Variants in RBBP6 observed in about 807,000 individuals in gnomAD.
RBBP6 encodes the protein E3 ubiquitin-protein ligase RBBP6.
A neutral mutation model predicts 167.7 loss-of-function variants in RBBP6; 25 were observed. That is an observed-to-expected ratio of 0.15 (90% confidence interval 0.11 to 0.21). The LOEUF (loss-of-function observed/expected upper bound fraction) is 0.21. Among genes scored for constraint, RBBP6 ranks in the 10% least tolerant of loss-of-function variants. The pLI is 1.00. For synonymous variants in RBBP6, 789 were observed against 735.8 expected (o/e 1.07, Z -1.17); for missense variants, 1,868 against 2,134.2 (o/e 0.88, Z 2.46).
At chr16:24,558,968 CT>C (rs1879050510) in intron 7 of RBBP6, among the ~76,000 whole-genome samples, 2 of 152,292 alleles carry the variant, frequency 1.3e-5, no homozygotes, top group Non-Finnish European at 2.9e-5. Flanking sequence ...CTTGAACTAT[CT>C]TTCCTTAATT....
Position 24,561,984 on chromosome 16 carries a change from T to G in RBBP6, c.1112T>G (p.Ile371Ser). 6.2e-7 allele frequency: 1 copy of G among 1,613,844 alleles called. No homozygotes were observed. Among genetic ancestry groups the G allele is most frequent in the Non-Finnish European group, 8.5e-7 (1 of 1,179,808 alleles). ...PISRQQDPLM[I>S]PVTSSSTHPA... ...TCAAGACAACAAGATCCTCTTATGA[T>G]TCCAGTGACATCTTCATCAACTCAC... is the stretch of plus-strand genomic sequence containing the variant. Residue 371 changes from isoleucine to serine, a missense_variant, in exon 10 of 18, where the codon ATT becomes AGT. Around this residue, in one of 7 missense-constraint regions of RBBP6, gnomAD observed 245 missense variants for 240.1 expected, o/e 1.02. Coordinates refer to ENST00000319715, the MANE Select transcript of RBBP6 (RefSeq NM_006910.5).
intron 15 of RBBP6, 26 bp downstream of exon 15, chr16:24,567,531 A>T (rs747066953): frequency 6.4e-7 from 1 of 1,562,780 alleles, no homozygotes; most frequent in Non-Finnish European, 8.7e-7. Context: ...TGAAATTATT[A>T]TACACTTTTT....
intron 1 of RBBP6, among the ~76,000 whole-genome samples, chr16:24,542,438 C>T (rs1898524186): frequency 6.6e-6 from 1 of 151,184 alleles, no homozygotes; most frequent in East Asian, 1.9e-4. Flanking sequence ...ATCTTTTCGA[C>T]CCAACAATTG....
chr16:24,570,743 G>T, intron 17 of RBBP6, 133 bp from the exon 18 acceptor site: 1 of 863,310 alleles, frequency 1.2e-6, no homozygotes, highest in South Asian at 3.3e-5. Context: ...CTTCCTTAGG[G>T]CAGAATAAGT....
Position 24,569,128 on chromosome 16 carries a change from G to T in RBBP6, c.2438G>T (p.Gly813Val). ...CCATATGACATGAAAGCATATTATG[G>T]GAGAAGTGTTGACTTTAGAGACCCA... ...PPPYDMKAYYGRSVDFRDPFE... is the reference protein window; with the variant it reads ...PPPYDMKAYYVRSVDFRDPFE... Residue 813 changes from glycine to valine, a missense_variant, in exon 17 of 18, where the codon GGG becomes GTG. Transcript: ENST00000319715. 1 of 1,612,936 alleles carries T rather than the reference G, an allele frequency of 6.2e-7. No individual in the cohort carries two copies. Among genetic ancestry groups the T allele is most frequent in the Non-Finnish European group, 8.5e-7 (1 of 1,179,706 alleles).
Position 24,559,426 on chromosome 16 carries a change from C to T in RBBP6, c.675-79C>T. 6.7e-6 allele frequency: 8 copies of T among 1,198,482 alleles called. No homozygotes were observed. The South Asian group carries it at 1.1e-4, about 16-fold the overall frequency. 74.2% of individuals were successfully genotyped at this position (1,198,482 alleles called of 1,614,324 possible). On this transcript the variant is annotated intron_variant, in intron 7 of 17. Coordinates refer to ENST00000319715, the MANE Select transcript of RBBP6 (RefSeq NM_006910.5). ...GGCATTGCGCTGAATTATGTGTTCCCATTATGTTATAGTAGAACATGTAGC... is the reference window on the plus strand; with the variant it reads ...GGCATTGCGCTGAATTATGTGTTCCTATTATGTTATAGTAGAACATGTAGC...
chr16:24,553,710 T>C (rs760245537), intron 4 of RBBP6, 153 bp downstream of exon 4: 12 of 451,478 alleles, frequency 2.7e-5, no homozygotes, highest in Non-Finnish European at 4.6e-5. Context: ...AGTTGCTGTT[T>C]TGAGAAGATA....
chr16:24,539,857 C>T lies in RBBP6; in HGVS notation c.-770C>T, dbSNP rs1339520119. 6.6e-6 allele frequency: 1 copy of T among 152,568 alleles called. No homozygotes were observed. Among genetic ancestry groups the T allele is most frequent in the African/African-American group, 2.4e-5 (1 of 41,452 alleles). The allele number at this position is 152,568 out of a possible 1,614,324, so 9.5% of individuals were successfully genotyped here. ...AGCCACCCGGCCGCCGGCTGGGGCCCGGGGTGGTGAGGAAGTGCTCCGAGG... is the reference window on the plus strand; with the variant it reads ...AGCCACCCGGCCGCCGGCTGGGGCCTGGGGTGGTGAGGAAGTGCTCCGAGG... On this transcript the variant is annotated 5_prime_UTR_variant, in exon 1 of 18. Transcript: ENST00000319715.
At position 24,567,509 on chromosome 16, in the gene RBBP6, T is replaced by A. The variant is rs756136694; in HGVS notation, c.1952+4T>A. ...AGCAGCGACGACTAAAAGAAGAGTA[T>A]GTATTCTAATTTGAAATTATTATAC... On this transcript the variant is annotated splice_donor_region_variant and intron_variant, in intron 15 of 17. Coordinates refer to ENST00000319715, the MANE Select transcript of RBBP6 (RefSeq NM_006910.5). The A allele has an allele frequency of 3.8e-6, 6 of 1,593,500 alleles. No individual in the cohort carries two copies. The highest frequency in any genetic ancestry group is 5.1e-6 in the Non-Finnish European group (6 of 1,169,582).
At chr16:24,560,355 C>T (rs1004719557) in intron 8 of RBBP6, among the ~76,000 whole-genome samples, 3 of 152,190 alleles carry the variant, frequency 2.0e-5, no homozygotes, top group Admixed American at 2.0e-4. Context: ...ATCCGCCCAC[C>T]TCGGCCTCCC....
chr16:24,549,076 C>G, intron 3 of RBBP6, 95 bp downstream of exon 3: 1 of 1,553,868 alleles, frequency 6.4e-7, no homozygotes, highest in East Asian at 2.4e-5. Flanking sequence ...TAATATCCAA[C>G]TGATCATAGT....
chr16:24,556,831 C>G (rs138374702), intron 7 of RBBP6, among the ~76,000 whole-genome samples: 2 of 152,200 alleles, frequency 1.3e-5, no homozygotes, highest in Non-Finnish European at 2.9e-5. Context: ...AGAATAAAAG[C>G]TCTGCATGAT....
intron 2 of RBBP6, among the ~76,000 whole-genome samples, chr16:24,547,728 T>G (rs1300503573): frequency 6.6e-6 from 1 of 152,198 alleles, no homozygotes; most frequent in East Asian, 1.9e-4. Context: ...AGTACTGAGA[T>G]TACAGGCGTG....
chr16:24,566,959 T>G (rs1464219422), intron 14 of RBBP6, among the ~76,000 whole-genome samples, 184 bp from the exon 15 acceptor site: 1 of 152,168 alleles, frequency 6.6e-6, no homozygotes, highest in Non-Finnish European at 1.5e-5. Context: ...AGACATGGCC[T>G]TAAAAATTAT....
chr16:24,540,692 C>G lies in RBBP6; in HGVS notation c.66C>G (p.Leu22=), dbSNP rs771512833. The change falls in exon 1 of 18, where the codon CTC becomes CTG. Residue 22 remains leucine, a synonymous_variant. Coordinates refer to ENST00000319715, the MANE Select transcript of RBBP6 (RefSeq NM_006910.5). Reference sequence around the variant, plus strand: ...ATGATACCGTCACCTTTGATGGGCTCCACATCTCCCTCTGCGACTTAAAGA... The same window carrying G: ...ATGATACCGTCACCTTTGATGGGCTGCACATCTCCCTCTGCGACTTAAAGA... ...LNYDTVTFDG[L]HISLCDLKKQ... 93 of 1,614,060 alleles carry G rather than the reference C, an allele frequency of 5.8e-5. No homozygotes were observed. The highest frequency in any genetic ancestry group is 6.4e-5 in the Non-Finnish European group (76 of 1,180,036).
intron 14 of RBBP6, among the ~76,000 whole-genome samples, chr16:24,565,488 C>T (rs773801951): frequency 5.3e-5 from 8 of 152,180 alleles, no homozygotes; most frequent in East Asian, 1.9e-4. Context: ...AGCAGCTGAG[C>T]GAGCATTACC....
At chr16:24,564,750 A>G in intron 13 of RBBP6, 47 bp from the exon 14 acceptor site, 1 of 1,599,536 alleles carries the variant, frequency 6.3e-7, no homozygotes. Context: ...GTCATGTATT[A>G]TACCCATGGA....
chr16:24,542,831 T>A (rs1401742230), intron 1 of RBBP6, among the ~76,000 whole-genome samples: 1 of 152,210 alleles, frequency 6.6e-6, no homozygotes, highest in Non-Finnish European at 1.5e-5. Context: ...GTAACCAATT[T>A]TTTTTTCCTA....
At chr16:24,553,583 A>G in intron 4 of RBBP6, 26 bp downstream of exon 4, 2 of 1,514,012 alleles carry the variant, frequency 1.3e-6, no homozygotes, top group South Asian at 1.3e-5. Flanking sequence ...TATTCTTGAA[A>G]ATATAAGTTT....
Sources: allele counts gnomAD v4.1 joint callset (sites outside exome capture counted in the v4.1 genomes callset), GRCh38; gene constraint gnomAD v4.1.1; regional missense constraint gnomAD v4.1.1; transcripts MANE v1.5; gene names NCBI Gene and HGNC (gene_info 2026-07-23, HGNC 2026-07-21).